The following KCNMB2 variants were observed in gnomAD, a reference collection of about 807,000 sequenced individuals.
KCNMB2 encodes potassium calcium-activated channel subfamily M regulatory beta subunit 2.
KCNMB2 carries 9 observed loss-of-function variants against 24.5 expected under a neutral mutation model. That is an observed-to-expected ratio of 0.37 (90% CI 0.22 to 0.64). The LOEUF is 0.64. Among genes scored for constraint, KCNMB2 ranks in the 30% least tolerant of loss-of-function variants. KCNMB2 has a pLI of 0.63. For synonymous variants in KCNMB2, 109 were observed against 104.4 expected, an observed-to-expected ratio of 1.04 and a Z score of -0.27; for missense variants, 226 against 284.3, an observed-to-expected ratio of 0.79 and a Z score of 1.47.
intron 1 of KCNMB2, among the ~76,000 whole-genome samples, chr3:178,644,069 G>A (rs1336543521): frequency 6.6e-6 from 1 of 152,206 alleles, no homozygotes; most frequent in African/African-American, 2.4e-5. Context: ...GTCACTAACT[G>A]TACCTGGTTT....
At chr3:178,698,986 CTGGG>C (rs1721985477) in intron 1 of KCNMB2, among the ~76,000 whole-genome samples, 1 of 152,184 alleles carries the variant, frequency 6.6e-6, no homozygotes, top group Non-Finnish European at 1.5e-5. Context: ...GTCCACTGTG[CTGGG>C]AGGGCCAAGG....
chr3:178,817,563 C>T (rs1356250488), intron 2 of KCNMB2, among the ~76,000 whole-genome samples: 1 of 152,096 alleles, frequency 6.6e-6, no homozygotes, highest in Non-Finnish European at 1.5e-5. Flanking sequence ...CTCACTGAAG[C>T]TCTGAAGGCA....
At chr3:178,614,268 T>TATAC (rs1375475039) in intron 1 of KCNMB2, among the ~76,000 whole-genome samples, 2 of 75,950 alleles carry the variant, frequency 2.6e-5, no homozygotes, top group African/African-American at 5.8e-5. Context: ...TATATATATA[T>TATAC]ATATATATAT....
At chr3:178,739,944 T>C (rs1008888807) in intron 1 of KCNMB2, among the ~76,000 whole-genome samples, 3 of 152,164 alleles carry the variant, frequency 2.0e-5, no homozygotes, top group African/African-American at 4.8e-5. Flanking sequence ...CCTGCTGACA[T>C]GGGACAGCTA....
chr3:178,537,548 T>C (rs1052157084), intron 1 of KCNMB2, among the ~76,000 whole-genome samples: 1 of 152,220 alleles, frequency 6.6e-6, no homozygotes, highest in Non-Finnish European at 1.5e-5. Context: ...CGATAATGAA[T>C]AGATTTGCAG....
intron 4 of KCNMB2, among the ~76,000 whole-genome samples, chr3:178,830,460 T>G (rs1715011957): frequency 6.6e-6 from 1 of 152,148 alleles, no homozygotes; most frequent in Admixed American, 6.5e-5. Context: ...CACACTTCCA[T>G]CGGGTATAAA....
intron 1 of KCNMB2, among the ~76,000 whole-genome samples, chr3:178,722,262 A>G (rs914669944): frequency 5.3e-5 from 8 of 152,216 alleles, no homozygotes; most frequent in African/African-American, 1.7e-4. Context: ...ATATACATAT[A>G]TAATTGTTCC....
At chr3:178,817,421 C>T (rs1199850883) in intron 2 of KCNMB2, among the ~76,000 whole-genome samples, 4 of 151,854 alleles carry the variant, frequency 2.6e-5, no homozygotes, top group African/African-American at 2.4e-5. Context: ...GTAAAAGAAG[C>T]ACATCTCAAA....
intron 1 of KCNMB2, among the ~76,000 whole-genome samples, chr3:178,583,058 T>C (rs1717274866): frequency 6.6e-6 from 1 of 152,164 alleles, no homozygotes; most frequent in Admixed American, 6.6e-5. Flanking sequence ...GTTCATTTGG[T>C]TATAAGAGGA....
At chr3:178,645,044 G>GT in intron 1 of KCNMB2, among the ~76,000 whole-genome samples, 1 of 128,938 alleles carries the variant, frequency 7.8e-6, no homozygotes. Context: ...TAAGATCCAA[G>GT]ATTTTTTTTT....
chr3:178,578,918 A>T (rs1362742613), intron 1 of KCNMB2, among the ~76,000 whole-genome samples: 1 of 152,158 alleles, frequency 6.6e-6, no homozygotes, highest in Non-Finnish European at 1.5e-5. Flanking sequence ...TCCACACAAT[A>T]ATAATGGGAG....
At chr3:178,842,588 A>G (rs760995697) in intron 4 of KCNMB2, 65 bp from the exon 5 acceptor site, 20 of 1,075,130 alleles carry the variant, frequency 1.9e-5, no homozygotes, top group African/African-American at 4.7e-5. Context: ...ACAATACTCC[A>G]CCCCCTCCTA....
At chr3:178,691,970 ATT>A (rs1419694446) in intron 1 of KCNMB2, among the ~76,000 whole-genome samples, 1 of 152,012 alleles carries the variant, frequency 6.6e-6, no homozygotes, top group African/African-American at 2.4e-5. Context: ...ATGGTATCTC[ATT>A]GTGGTTTTGA....
chr3:178,566,409 AAC>A (rs1577014621), intron 1 of KCNMB2, among the ~76,000 whole-genome samples: 2 of 152,024 alleles, frequency 1.3e-5, no homozygotes, highest in Non-Finnish European at 2.9e-5. Context: ...GTGTCACTCA[AAC>A]ACACACGCAC....
chr3:178,621,222 C>G (rs566353588), intron 1 of KCNMB2, among the ~76,000 whole-genome samples: 10 of 152,206 alleles, frequency 6.6e-5, no homozygotes, highest in African/African-American at 1.9e-4. Context: ...AAGGGAGGAA[C>G]AGATGGGAAA....
At chr3:178,717,245 T>C (rs1385763506) in intron 1 of KCNMB2, among the ~76,000 whole-genome samples, 1 of 152,142 alleles carries the variant, frequency 6.6e-6, no homozygotes, top group Non-Finnish European at 1.5e-5. Flanking sequence ...TTCCAAAGTA[T>C]GGACTTCCAG....
chr3:178,815,420 A>G (rs956069177), intron 2 of KCNMB2, among the ~76,000 whole-genome samples: 1 of 152,066 alleles, frequency 6.6e-6, no homozygotes, highest in Non-Finnish European at 1.5e-5. Context: ...CACCTCACCC[A>G]GCCTAAATTT....
chr3:178,828,220 C>T lies in KCNMB2; in HGVS notation c.270C>T (p.Ser90=), dbSNP rs757687037. The T allele has an allele frequency of 6.2e-7, 1 of 1,614,042 alleles. No individual in the cohort carries two copies. Among genetic ancestry groups the T allele is most frequent in the Non-Finnish European group, 8.5e-7 (1 of 1,179,962 alleles). ...EESQCTLLNA[S]ITETFNCSFS... ...CTCAATGCACCTTGCTGAATGCGTCCATCACGGAAACATTTAATTGCTCCT... is the reference window on the plus strand; with the variant it reads ...CTCAATGCACCTTGCTGAATGCGTCTATCACGGAAACATTTAATTGCTCCT... The change falls in exon 4 of 5, where the codon TCC becomes TCT. Residue 90 remains serine (S), a synonymous_variant. Transcript: ENST00000452583.
intron 1 of KCNMB2, among the ~76,000 whole-genome samples, chr3:178,672,478 A>G (rs775799268): frequency 6.6e-6 from 1 of 152,240 alleles, no homozygotes; most frequent in Non-Finnish European, 1.5e-5. Flanking sequence ...TATGACTAAT[A>G]GTACATCCAT....
Sources: allele counts gnomAD v4.1 joint callset (sites outside exome capture counted in the v4.1 genomes callset), GRCh38; gene constraint gnomAD v4.1.1; transcripts MANE v1.5; gene names NCBI Gene and HGNC (gene_info 2026-07-23, HGNC 2026-07-21).